The following CPSF6 variants were observed in gnomAD, a reference collection of about 807,000 sequenced individuals.
CPSF6 encodes cleavage and polyadenylation specificity factor subunit 6.
Under a neutral mutation model 56.7 loss-of-function variants are expected in CPSF6, and 10 were observed. The observed-to-expected ratio is 0.18, with a 90% CI of 0.11 to 0.30. The LOEUF (loss-of-function observed/expected upper bound fraction) is 0.30. Ranked by LOEUF, CPSF6 falls within the 10% of genes least tolerant of loss-of-function variation. The pLI is 1.00. For synonymous variants in CPSF6, 248 were observed against 244.8 expected (o/e 1.01, Z -0.12); for missense variants, 419 against 722.9 (o/e 0.58, Z 4.82).
rs537496145 is a variant in CPSF6, at chr12:69,256,601, T to C, written c.375-96T>C. On this transcript the variant is annotated intron_variant, in intron 3 of 9. Transcript: ENST00000435070. The stretch of plus-strand genomic sequence containing the variant: ...GAGCCACTGTGCCCAGCTGTTGTTT[T>C]AGATAAAAGCAGATTAAGACCTTTT... 9.1e-5 allele frequency: 115 copies of C among 1,259,410 alleles called. No individual in the cohort carries two copies. In the African/African-American group the frequency reaches 1.6e-3, roughly 17 times the overall value. The allele number at this position is 1,259,410 out of a possible 1,614,324, so 78.0% of individuals were successfully genotyped here. A position where few individuals can be genotyped will look rare whatever the true frequency, so the allele number is the denominator to read the frequency against.
At chr12:69,245,945 G>A (rs975815248) in intron 1 of CPSF6, among the ~76,000 whole-genome samples, 1 of 152,162 alleles carries the variant, frequency 6.6e-6, no homozygotes, top group African/African-American at 2.4e-5. Context: ...AATTTAGCCA[G>A]GTATGATAGT....
At chr12:69,249,994 A>G (rs1872146571) in intron 1 of CPSF6, among the ~76,000 whole-genome samples, 2 of 152,198 alleles carry the variant, frequency 1.3e-5, no homozygotes, top group Admixed American at 6.5e-5. Flanking sequence ...ATAACTAAGA[A>G]TTCAGGTAAG....
At chr12:69,253,963 CTTATTTCTT>C (rs1307744245) in intron 3 of CPSF6, among the ~76,000 whole-genome samples, 1 of 152,018 alleles carries the variant, frequency 6.6e-6, no homozygotes, top group Non-Finnish European at 1.5e-5. Context: ...AAAGAATTTT[CTTATTTCTT>C]ATATTGCTTA....
intron 1 of CPSF6, among the ~76,000 whole-genome samples, chr12:69,241,068 C>T (rs1871592500): frequency 6.6e-6 from 1 of 152,128 alleles, no homozygotes; most frequent in South Asian, 2.1e-4. Context: ...AACAAGGAAA[C>T]TCAAGAGATC....
At chr12:69,241,030 C>A (rs906009248) in intron 1 of CPSF6, among the ~76,000 whole-genome samples, 1 of 152,108 alleles carries the variant, frequency 6.6e-6, no homozygotes, top group Non-Finnish European at 1.5e-5. Context: ...CCATCATATT[C>A]GTGACTAGTT....
chr12:69,264,220 C>T (rs1197499035), intron 9 of CPSF6, among the ~76,000 whole-genome samples: 1 of 151,958 alleles, frequency 6.6e-6, no homozygotes, highest in Non-Finnish European at 1.5e-5. Flanking sequence ...TAGAAGGGTA[C>T]AGGTTCTGTA....
At position 69,270,820 on chromosome 12, in the gene CPSF6, G is replaced by A. The variant is rs1207295052; in HGVS notation, c.*1312G>A. The A allele has an allele frequency of 6.6e-6, 1 of 151,620 alleles. No individual in the cohort carries two copies. The highest frequency in any genetic ancestry group is 1.9e-4 in the East Asian group (1 of 5,198). 9.4% of individuals were successfully genotyped at this position (151,620 alleles called of 1,614,324 possible). Reference sequence around the variant, plus strand: ...AGAGGCAGGGTGTCAACTTGATTAGGTGTTTTTATGGGAATGTAATTTGAA... The same window carrying A: ...AGAGGCAGGGTGTCAACTTGATTAGATGTTTTTATGGGAATGTAATTTGAA... On this transcript the variant is annotated 3_prime_UTR_variant, in exon 10 of 10. Transcript: ENST00000435070.
chr12:69,261,259 AG>A (rs1409992801), intron 8 of CPSF6, among the ~76,000 whole-genome samples: 3 of 152,072 alleles, frequency 2.0e-5, no homozygotes, highest in African/African-American at 4.8e-5. Flanking sequence ...TCATAGATAT[AG>A]TTATCTTGTA....
chr12:69,271,077 A>G lies in CPSF6; in HGVS notation c.*1569A>G, dbSNP rs1229193399. On this transcript the variant is annotated 3_prime_UTR_variant, in exon 10 of 10. Coordinates refer to ENST00000435070, the MANE Select transcript of CPSF6 (RefSeq NM_007007.3). ...TCACTTTCATCTTGTCTGCTATCAA[A>G]CCACTTCTGACAAAATTAGCTGTTT... 11 of 152,012 alleles carry G rather than the reference A, an allele frequency of 7.2e-5. No homozygotes were observed. Among genetic ancestry groups the G allele is most frequent in the Admixed American group, 7.2e-4 (11 of 15,224 alleles). The allele number at this position is 152,012 out of a possible 1,614,324, so 9.4% of individuals were successfully genotyped here.
At position 69,240,084 on chromosome 12, in the gene CPSF6, C is replaced by T. The variant is rs569008559; in HGVS notation, c.60+378C>T. Among the ~76,000 whole-genome samples, 365 of 151,700 alleles carry T rather than the reference C, an allele frequency of 2.4e-3. 4 individuals carry two copies. The highest frequency in any genetic ancestry group is 8.4e-3 in the African/African-American group (350 of 41,442). ...GCGGAGAGAACTGGCCGCCGCCGCGCCCCCTCCCCCGTCGCTGGTCGGAGG... is the reference window on the plus strand; with the variant it reads ...GCGGAGAGAACTGGCCGCCGCCGCGTCCCCTCCCCCGTCGCTGGTCGGAGG... On this transcript the variant is annotated intron_variant, in intron 1 of 9. Transcript: ENST00000435070.
At position 69,262,429 on chromosome 12, in the gene CPSF6, A is replaced by G; in HGVS notation, c.1526A>G (p.His509Arg). ...HSRSREKSRR[H>R]KSRSRDRHDD... ...AGATCACGAGAAAAGAGTCGACGTC[A>G]TAAATCCCGTAGTAGAGACCGTCAT... Residue 509 changes from histidine (H) to arginine (R), a missense_variant, in exon 9 of 10, where the codon CAT (histidine) becomes CGT (arginine). Physicochemically the swap from His to Arg is conservative, Grantham distance 29. Coordinates refer to ENST00000435070, the MANE Select transcript of CPSF6 (RefSeq NM_007007.3). 1 of 1,613,458 alleles carries G rather than the reference A, an allele frequency of 6.2e-7. No homozygotes were observed. The highest frequency in any genetic ancestry group is 8.5e-7 in the Non-Finnish European group (1 of 1,179,502).
chr12:69,259,976 C>T (rs1400597894), intron 7 of CPSF6, 68 bp from the exon 8 acceptor site: 16 of 1,544,566 alleles, frequency 1.0e-5, no homozygotes, highest in Non-Finnish European at 1.2e-5. Flanking sequence ...CACTCTTATC[C>T]CAAGTGGTTT....
intron 8 of CPSF6, among the ~76,000 whole-genome samples, chr12:69,261,360 G>T (rs911634638): frequency 3.3e-5 from 5 of 152,136 alleles, no homozygotes; most frequent in Non-Finnish European, 7.3e-5. Context: ...TGAGCCCCAG[G>T]AGTTTGAGAC....
chr12:69,259,273 T>C, intron 6 of CPSF6, 155 bp from the exon 7 acceptor site: 1 of 801,288 alleles, frequency 1.2e-6, no homozygotes, highest in Non-Finnish European at 1.5e-6. Flanking sequence ...AGATTTGTTC[T>C]CTTTGTTGGA....
intron 1 of CPSF6, among the ~76,000 whole-genome samples, chr12:69,249,630 A>G (rs1371988353): frequency 1.3e-5 from 2 of 152,224 alleles, no homozygotes; most frequent in East Asian, 3.9e-4. Context: ...CACCAATACA[A>G]GTACTTAGTT....
intron 3 of CPSF6, among the ~76,000 whole-genome samples, chr12:69,256,135 T>C (rs148269119): frequency 6.6e-6 from 1 of 152,294 alleles, no homozygotes; most frequent in African/African-American, 2.4e-5. Context: ...GGACCTCCTA[T>C]TGTATGATTC....
At chr12:69,268,778 A>G (rs368166894) in intron 9 of CPSF6, among the ~76,000 whole-genome samples, 28 of 151,484 alleles carry the variant, frequency 1.8e-4, no homozygotes, top group African/African-American at 6.5e-4. Flanking sequence ...TTTTTCTTTT[A>G]TGTGAGTTTT....
At chr12:69,251,476 G>T in intron 2 of CPSF6, 138 bp downstream of exon 2, 1 of 543,560 alleles carries the variant, frequency 1.8e-6, no homozygotes, top group Non-Finnish European at 3.1e-6. Context: ...CAATGAGGAG[G>T]GAAATACAAA....
rs998309544 is a variant in CPSF6 at position 69,272,049 on chromosome 12, C to T, written c.*2541C>T. On this transcript the variant is annotated 3_prime_UTR_variant, in exon 10 of 10. Transcript: ENST00000435070. ...GTTAAACAGATGAGTGATACAGTAC[C>T]TGAATGGTACTGCTTCTGAGGCAAC... 1 of 151,592 alleles carries T rather than the reference C, an allele frequency of 6.6e-6. No individual in the cohort carries two copies. The highest frequency in any genetic ancestry group is 2.4e-5 in the African/African-American group (1 of 41,372). 9.4% of individuals were successfully genotyped at this position (151,592 alleles called of 1,614,324 possible). A position where few individuals can be genotyped will look rare whatever the true frequency, so the allele number is the denominator to read the frequency against.
Sources: gnomAD v4.1 joint callset for allele counts (sites outside exome capture counted in the v4.1 genomes callset) on GRCh38, gnomAD v4.1.1 for gene constraint, MANE v1.5 for transcripts, NCBI Gene and HGNC (gene_info 2026-07-23, HGNC 2026-07-21) for gene names.